DCP1A: variants seen among roughly 807,000 people sequenced by gnomAD.
The protein encoded by DCP1A is mRNA-decapping enzyme 1A.
DCP1A carries 20 observed loss-of-function variants against 58.0 expected under a neutral mutation model. The ratio of observed to expected loss-of-function variants is 0.34; its 90% CI spans 0.24 to 0.50. The LOEUF is 0.50. Ranked by LOEUF, DCP1A falls within the 20% of genes least tolerant of loss-of-function variation. The pLI is 0.98. For missense variants in DCP1A, 613 were observed against 712.2 expected, an observed-to-expected ratio of 0.86 and a Z score of 1.59; for synonymous variants, 285 against 275.1, an observed-to-expected ratio of 1.04 and a Z score of -0.36.
At chr3:53,336,336 A>C (rs782318280) in intron 3 of DCP1A, among the ~76,000 whole-genome samples, 44 of 150,830 alleles carry the variant, frequency 2.9e-4, no homozygotes, top group Non-Finnish European at 2.7e-4. Flanking sequence ...CGAACTCTTG[A>C]CCTCAGGTGA....
intron 3 of DCP1A, chr3:53,329,274 A>C (rs1222871095): frequency 2.5e-6 from 1 of 397,990 alleles, no homozygotes; most frequent in East Asian, 3.6e-5. Context: ...TTCTACTAAA[A>C]CTTTCCATTT....
At chr3:53,330,523 G>GAAA (rs35855927) in intron 3 of DCP1A, among the ~76,000 whole-genome samples, 2 of 125,558 alleles carry the variant, frequency 1.6e-5, no homozygotes. Flanking sequence ...CCTTGTCTCA[G>GAAA]AAAAAAAAAA....
At position 53,286,058 on chromosome 3, in the gene DCP1A, T is replaced by A. The variant is rs142357700; in HGVS notation, c.*1522A>T. 124 of 152,304 alleles carry A rather than the reference T, an allele frequency of 8.1e-4. No individual in the cohort carries two copies. Among genetic ancestry groups the A allele is most frequent in the African/African-American group, 2.8e-3 (115 of 41,574 alleles). 9.4% of individuals were successfully genotyped at this position (152,304 alleles called of 1,614,324 possible). ...GCATGTTTAGATCAACAAAAGCCAA[T>A]CATTCTTTATGCTAAAAACTAAGAC... On this transcript the variant is annotated 3_prime_UTR_variant, in exon 10 of 10. Coordinates refer to ENST00000610213, the MANE Select transcript of DCP1A (RefSeq NM_018403.7).
intron 4 of DCP1A, among the ~76,000 whole-genome samples, chr3:53,317,347 T>G (rs1167492770): frequency 6.6e-6 from 1 of 152,164 alleles, no homozygotes; most frequent in African/African-American, 2.4e-5. Context: ...GTGTTTTTAG[T>G]ACAGACAGGG....
rs1706717191 is a variant in DCP1A, at chr3:53,288,197, T to C, written c.1536A>G (p.Thr512=). 2 of 1,613,882 alleles carry C rather than the reference T, an allele frequency of 1.2e-6. No homozygotes were observed. Among genetic ancestry groups the C allele is most frequent in the African/African-American group, 1.3e-5 (1 of 74,918 alleles). Residue 512 remains threonine (T), a synonymous_variant, in exon 9 of 10, where the codon ACA becomes ACG. Transcript: ENST00000610213. Reference sequence around the variant, plus strand: ...CTTTCCTCTCAAGGTCCGAAGATCTTGTAACTGTCTGCTGGAAAACACTTG... The same window carrying C: ...CTTTCCTCTCAAGGTCCGAAGATCTCGTAACTGTCTGCTGGAAAACACTTG... ...LAPSVFQQTV[T]RSSDLERKAS... is the part of the protein sequence containing the mutation.
chr3:53,334,228 T>C (rs75135222), intron 3 of DCP1A, among the ~76,000 whole-genome samples: 4,716 of 152,228 alleles, frequency 0.031, 118 homozygotes, highest in Non-Finnish European at 0.047. Context: ...GGTGTGTTAC[T>C]GCACTCCAGC....
At chr3:53,300,305 C>G (rs1471626432) in intron 6 of DCP1A, among the ~76,000 whole-genome samples, 1 of 150,370 alleles carries the variant, frequency 6.7e-6, no homozygotes, top group Non-Finnish European at 1.5e-5. Context: ...TTGTCACACT[C>G]ATTTTTCATC....
intron 6 of DCP1A, among the ~76,000 whole-genome samples, chr3:53,299,370 T>C (rs1230102939): frequency 4.6e-5 from 7 of 152,244 alleles, no homozygotes; most frequent in African/African-American, 1.7e-4. Flanking sequence ...AGTTTTTTAA[T>C]ACTTCATGTA....
At chr3:53,310,919 A>C (rs1707624166) in intron 5 of DCP1A, among the ~76,000 whole-genome samples, 3 of 152,220 alleles carry the variant, frequency 2.0e-5, no homozygotes, top group Admixed American at 6.5e-5. Flanking sequence ...CTTTCAGAAC[A>C]CTTTTTTCAA....
chr3:53,319,348 G>T, intron 4 of DCP1A, 59 bp downstream of exon 4: 2 of 1,079,810 alleles, frequency 1.9e-6, no homozygotes, highest in Non-Finnish European at 1.3e-6. Context: ...AGAAGTGGGA[G>T]GGGATTATTT....
chr3:53,297,548 A>G (rs1023303531), intron 6 of DCP1A, among the ~76,000 whole-genome samples: 2 of 152,032 alleles, frequency 1.3e-5, no homozygotes, highest in Non-Finnish European at 2.9e-5. Flanking sequence ...TTTAGTAGAG[A>G]TGGCATTTCA....
intron 6 of DCP1A, among the ~76,000 whole-genome samples, chr3:53,295,692 T>G (rs1230745336): frequency 6.6e-6 from 1 of 152,182 alleles, no homozygotes; most frequent in Non-Finnish European, 1.5e-5. Context: ...GCCACCATGA[T>G]CAGTTTATTT....
At chr3:53,319,279 T>A (rs1432342831) in intron 4 of DCP1A, 128 bp downstream of exon 4, 5 of 551,884 alleles carry the variant, frequency 9.1e-6, no homozygotes, top group African/African-American at 1.9e-5. Context: ...CTTTTCCAAG[T>A]TTTTGGCAGT....
At chr3:53,291,555 G>T (rs1553685989) in intron 7 of DCP1A, among the ~76,000 whole-genome samples, 1 of 151,684 alleles carries the variant, frequency 6.6e-6, no homozygotes, top group Admixed American at 6.6e-5. Context: ...AAGAACATGT[G>T]ATATCTGTCC....
At chr3:53,313,763 A>C (rs989142886) in intron 4 of DCP1A, among the ~76,000 whole-genome samples, 3 of 152,076 alleles carry the variant, frequency 2.0e-5, no homozygotes, top group African/African-American at 7.2e-5. Context: ...GTTTTAAAAA[A>C]CAAAAAACCC....
Position 53,292,062 on chromosome 3 carries a change from C to A in DCP1A, c.1383+7G>T. 6.2e-7 allele frequency: 1 copy of A among 1,604,332 alleles called. No homozygotes were observed. Among genetic ancestry groups the A allele is most frequent in the South Asian group, 1.1e-5 (1 of 90,350 alleles). ...CACTCTGCCCACCCCCACCCTCCTGCCATTACCTGAAGGGGAGCAAGCACC... is the reference window on the plus strand; with the variant it reads ...CACTCTGCCCACCCCCACCCTCCTGACATTACCTGAAGGGGAGCAAGCACC... On this transcript the variant is annotated splice_region_variant and intron_variant, in intron 7 of 9. Coordinates refer to ENST00000610213, the MANE Select transcript of DCP1A (RefSeq NM_018403.7).
chr3:53,343,434 C>A (rs2089243757), intron 2 of DCP1A, among the ~76,000 whole-genome samples: 1 of 152,160 alleles, frequency 6.6e-6, no homozygotes, highest in Non-Finnish European at 1.5e-5. Context: ...AATCCAGCCA[C>A]CCACTACACT....
chr3:53,313,362 T>C (rs1308666749), intron 4 of DCP1A, among the ~76,000 whole-genome samples: 8 of 150,622 alleles, frequency 5.3e-5, no homozygotes, highest in Non-Finnish European at 1.0e-4. Context: ...GAGGCTGCAG[T>C]GAACTGAGAT....
intron 8 of DCP1A, chr3:53,290,522 G>A: frequency 1.7e-6 from 1 of 588,118 alleles, no homozygotes; most frequent in Non-Finnish European, 3.0e-6. Flanking sequence ...CCTGGCCTAG[G>A]AAAGGCATCT....
Sources: gnomAD v4.1 joint callset for allele counts (sites outside exome capture counted in the v4.1 genomes callset) on GRCh38, gnomAD v4.1.1 for gene constraint, MANE v1.5 for transcripts, NCBI Gene and HGNC (gene_info 2026-07-23, HGNC 2026-07-21) for gene names.